NOL11: variants seen among roughly 807,000 people sequenced by gnomAD.
The protein encoded by NOL11 is nucleolar protein 11.
A neutral mutation model predicts 93.0 loss-of-function variants in NOL11; 42 were observed. That is an observed-to-expected ratio of 0.45 (90% CI 0.35 to 0.58). The LOEUF (loss-of-function observed/expected upper bound fraction) is 0.58, where lower values mean the gene tolerates loss of function less well. NOL11 is among the 20% of genes least tolerant of loss of function. The probability of loss-of-function intolerance (pLI) is 0.00; values close to 1 mark genes in which losing one functional copy is unlikely to be tolerated. For missense variants in NOL11, 775 were observed against 841.8 expected, an observed-to-expected ratio of 0.92 and a Z score of 0.98; for synonymous variants, 296 against 293.7, an observed-to-expected ratio of 1.01 and a Z score of -0.08.
At chr17:67,740,082 A>G (rs2055240779) in intron 16 of NOL11, among the ~76,000 whole-genome samples, 1 of 152,078 alleles carries the variant, frequency 6.6e-6, no homozygotes, top group Admixed American at 6.6e-5. Flanking sequence ...CTAAAAACAC[A>G]AAATCATCCA....
At chr17:67,724,949 T>G (rs1407785801) in intron 6 of NOL11, among the ~76,000 whole-genome samples, 3 of 152,016 alleles carry the variant, frequency 2.0e-5, no homozygotes, top group Non-Finnish European at 2.9e-5. Flanking sequence ...TCCCAGCTAC[T>G]CTGGAGGCTG....
intron 7 of NOL11, among the ~76,000 whole-genome samples, chr17:67,728,222 T>C (rs995439413): frequency 4.6e-5 from 7 of 152,186 alleles, no homozygotes; most frequent in Non-Finnish European, 8.8e-5. Context: ...ATCACACCAC[T>C]GCACTCCAGC....
intron 6 of NOL11, 111 bp downstream of exon 6, chr17:67,724,304 G>T: frequency 7.2e-6 from 4 of 554,388 alleles, no homozygotes; most frequent in South Asian, 3.1e-5. Flanking sequence ...AGCCATTTCT[G>T]TGCTTCTTTA....
rs533089740 is a variant in NOL11 at position 67,743,430 on chromosome 17, C to A, written c.1936-49C>A. 9.8e-6 allele frequency: 8 copies of A among 814,172 alleles called. No homozygotes were observed. In the South Asian group the frequency reaches 1.3e-4, roughly 13 times the overall value. The allele number at this position is 814,172 out of a possible 1,614,324, so 50.4% of individuals were successfully genotyped here. A position where few individuals can be genotyped will look rare whatever the true frequency, so the allele number is the denominator to read the frequency against. On this transcript the variant is annotated intron_variant, in intron 16 of 17. Transcript: ENST00000253247. ...TTATGGACTTTGTAAAGTGAATTAACCTGAAGTTAAATTTAAAATCTTAAC... is the reference window on the plus strand; with the variant it reads ...TTATGGACTTTGTAAAGTGAATTAAACTGAAGTTAAATTTAAAATCTTAAC...
chr17:67,723,308 G>A (rs1227763699), intron 5 of NOL11, among the ~76,000 whole-genome samples: 2 of 149,842 alleles, frequency 1.3e-5, no homozygotes, highest in East Asian at 2.0e-4. Flanking sequence ...CACTGCGCCT[G>A]GCGCAAAACC....
rs2055281512 is a variant in NOL11 at position 67,744,303 on chromosome 17, A to G, written c.*444A>G. ...ACACATTTGCAGTGTGTCTTCTGCC[A>G]CAAGCAGGGCAGAGAGGGGCCCTCA... is the stretch of plus-strand genomic sequence containing the variant. On this transcript the variant is annotated 3_prime_UTR_variant, in exon 18 of 18. Transcript: ENST00000253247. 6.6e-6 allele frequency: 1 copy of G among 152,264 alleles called. No individual in the cohort carries two copies. Among genetic ancestry groups the G allele is most frequent in the South Asian group, 2.1e-4 (1 of 4,838 alleles). 9.4% of individuals were successfully genotyped at this position (152,264 alleles called of 1,614,324 possible). A position where few individuals can be genotyped will look rare whatever the true frequency, so the allele number is the denominator to read the frequency against.
chr17:67,725,793 T>C (rs2055085843), intron 6 of NOL11, among the ~76,000 whole-genome samples: 1 of 152,160 alleles, frequency 6.6e-6, no homozygotes, highest in Non-Finnish European at 1.5e-5. Flanking sequence ...GGAAGAATTA[T>C]AATAAACTAA....
intron 7 of NOL11, among the ~76,000 whole-genome samples, chr17:67,733,717 T>G (rs991254324): frequency 2.0e-5 from 3 of 152,154 alleles, no homozygotes; most frequent in Non-Finnish European, 4.4e-5. Flanking sequence ...CATGAAAGAC[T>G]GTTGGAGTTT....
At chr17:67,731,216 G>T (rs888585107) in intron 7 of NOL11, among the ~76,000 whole-genome samples, 7 of 149,718 alleles carry the variant, frequency 4.7e-5, no homozygotes, top group Non-Finnish European at 8.9e-5. Flanking sequence ...TCTATAGGTT[G>T]TCTTCACTTG....
intron 8 of NOL11, among the ~76,000 whole-genome samples, chr17:67,735,457 CTT>C (rs959964254): frequency 1.3e-5 from 2 of 151,432 alleles, no homozygotes; most frequent in South Asian, 2.1e-4. Flanking sequence ...TTATTACAAA[CTT>C]TTTTTTATTT....
chr17:67,739,551 G>A lies in NOL11; in HGVS notation c.1878G>A (p.Lys626=). Reference sequence around the variant, plus strand: ...AGTATTTGTATTTCCTGTACCTGAAGTGTAGCGAAAATGCTACTATGACTC... The same window carrying A: ...AGTATTTGTATTTCCTGTACCTGAAATGTAGCGAAAATGCTACTATGACTC... The part of the protein sequence containing the change: ...FLKYLYFLYL[K]CSENATMTLP... Residue 626 remains lysine, a synonymous_variant, in exon 16 of 18, where the codon AAG becomes AAA. Coordinates refer to ENST00000253247, the MANE Select transcript of NOL11 (RefSeq NM_015462.5). 1 of 1,600,080 alleles carries A rather than the reference G, an allele frequency of 6.2e-7. No individual in the cohort carries two copies. Among genetic ancestry groups the A allele is most frequent in the Non-Finnish European group, 8.5e-7 (1 of 1,175,572 alleles).
chr17:67,741,450 G>T (rs1013093844), intron 16 of NOL11, among the ~76,000 whole-genome samples: 3 of 151,882 alleles, frequency 2.0e-5, no homozygotes, highest in Non-Finnish European at 4.4e-5. Flanking sequence ...AAACTGCTGG[G>T]CTTAAGTGAT....
intron 13 of NOL11, 22 bp downstream of exon 13, chr17:67,737,994 C>T (rs763678658): frequency 6.3e-7 from 1 of 1,585,372 alleles, no homozygotes; most frequent in Non-Finnish European, 8.5e-7. Flanking sequence ...TCCAATGGTC[C>T]TTTTTCTTCA....
intron 7 of NOL11, among the ~76,000 whole-genome samples, chr17:67,730,377 C>G (rs1463772967): frequency 1.3e-5 from 2 of 152,206 alleles, no homozygotes; most frequent in Non-Finnish European, 2.9e-5. Flanking sequence ...TCTTCTGTCT[C>G]AGCTTTCCAA....
chr17:67,738,050 G>T, intron 13 of NOL11, 72 bp from the exon 14 acceptor site: 1 of 1,550,846 alleles, frequency 6.4e-7, no homozygotes, highest in Non-Finnish European at 8.7e-7. Flanking sequence ...AAATTTTGAT[G>T]CTTAGGAAAT....
At chr17:67,736,857 G>A in intron 10 of NOL11, 103 bp downstream of exon 10, 1 of 887,514 alleles carries the variant, frequency 1.1e-6, no homozygotes, top group Non-Finnish European at 1.8e-6. Flanking sequence ...TTAGAGCTTT[G>A]ACTATAATGA....
intron 7 of NOL11, among the ~76,000 whole-genome samples, chr17:67,730,309 A>G (rs1194808551): frequency 2.6e-5 from 4 of 152,012 alleles, no homozygotes; most frequent in South Asian, 2.1e-4. Flanking sequence ...CCCAGAGGCT[A>G]GAGTGCAGTG....
In NOL11 at chr17:67,721,973, C is replaced by A. The variant is rs1599034867; in HGVS notation, c.461+447C>A. On this transcript the variant is annotated intron_variant, in intron 4 of 17. Transcript: ENST00000253247. ...CATGATTCCACATCTTTCTGATACT[C>A]TTTATTTCATCACATTTCCTGTTCA... is the stretch of plus-strand genomic sequence containing the variant. 5.3e-5 allele frequency among the ~76,000 whole-genome samples: 8 copies of A among 152,256 alleles called. No individual in the cohort carries two copies. In the South Asian group the frequency reaches 1.4e-3, roughly 28 times the overall value.
At chr17:67,736,096 C>T in intron 9 of NOL11, 73 bp downstream of exon 9, 1 of 1,319,378 alleles carries the variant, frequency 7.6e-7, no homozygotes, top group Admixed American at 2.4e-5. Context: ...CAGATTCCCA[C>T]AGCCTTCTAT....
Sources: gnomAD v4.1 joint callset for allele counts (sites outside exome capture counted in the v4.1 genomes callset) on GRCh38, gnomAD v4.1.1 for gene constraint, MANE v1.5 for transcripts, NCBI Gene and HGNC (gene_info 2026-07-23, HGNC 2026-07-21) for gene names.